TEC: variants seen among roughly 807,000 people sequenced by gnomAD.
The protein encoded by TEC is tec protein tyrosine kinase, also known as tyrosine-protein kinase Tec.
A neutral mutation model predicts 93.0 loss-of-function variants in TEC; 72 were observed. The observed-to-expected ratio is 0.77, with a 90% CI of 0.64 to 0.94. TEC has a LOEUF of 0.94. Among genes scored for constraint, TEC ranks in the 40% least tolerant of loss-of-function variants. The probability of loss-of-function intolerance (pLI) is 0.00; values close to 1 mark genes in which losing one functional copy is unlikely to be tolerated. For synonymous variants in TEC, 249 were observed against 247.7 expected (o/e 1.01, Z -0.05); for missense variants, 630 against 757.9 (o/e 0.83, Z 1.98).
At chr4:48,203,295 G>T (rs539903244) in intron 2 of TEC, among the ~76,000 whole-genome samples, 2 of 150,058 alleles carry the variant, frequency 1.3e-5, no homozygotes, top group Non-Finnish European at 3.0e-5. Context: ...AGCCTGGGAG[G>T]TGGAGGTTGC....
chr4:48,248,157 A>T (rs1724108687), intron 1 of TEC, among the ~76,000 whole-genome samples: 1 of 151,960 alleles, frequency 6.6e-6, no homozygotes, highest in Non-Finnish European at 1.5e-5. Context: ...AAGCACTGGA[A>T]GTTCTATCAG....
chr4:48,164,821 G>A (rs1720815092), intron 7 of TEC, among the ~76,000 whole-genome samples: 1 of 152,102 alleles, frequency 6.6e-6, no homozygotes, highest in Non-Finnish European at 1.5e-5. Flanking sequence ...GGCCAACATG[G>A]CGAAACCCTA....
At chr4:48,155,981 T>G (rs1720383425) in intron 9 of TEC, 1 of 152,254 alleles carries the variant, frequency 6.6e-6, no homozygotes, top group Admixed American at 6.5e-5. Flanking sequence ...TCTCTCTACC[T>G]GATTTCTTCA....
chr4:48,200,186 C>G (rs1411578676), intron 2 of TEC, among the ~76,000 whole-genome samples: 1 of 150,778 alleles, frequency 6.6e-6, no homozygotes, highest in East Asian at 2.0e-4. Flanking sequence ...GGAGGGGATA[C>G]ACGGGTTCTA....
intron 10 of TEC, among the ~76,000 whole-genome samples, chr4:48,149,985 C>CT (rs1174155445): frequency 2.0e-5 from 3 of 152,198 alleles, no homozygotes; most frequent in Non-Finnish European, 4.4e-5. Context: ...GCAGCTACTG[C>CT]TTTTTGTTCC....
At chr4:48,184,131 C>A (rs1721706509) in intron 2 of TEC, among the ~76,000 whole-genome samples, 1 of 152,178 alleles carries the variant, frequency 6.6e-6, no homozygotes, top group Non-Finnish European at 1.5e-5. Flanking sequence ...TGTGGATAAT[C>A]TCAGTGAATC....
At chr4:48,231,479 G>A (rs554028234) in intron 1 of TEC, among the ~76,000 whole-genome samples, 11 of 152,302 alleles carry the variant, frequency 7.2e-5, no homozygotes, top group East Asian at 1.9e-4. Flanking sequence ...AACAGAGGCC[G>A]GGCACGGTGG....
At chr4:48,143,860 T>C (rs1719785641) in intron 14 of TEC, among the ~76,000 whole-genome samples, 1 of 152,228 alleles carries the variant, frequency 6.6e-6, no homozygotes, top group African/African-American at 2.4e-5. Flanking sequence ...CCCAGAATTA[T>C]GATTAAACAA....
At chr4:48,155,472 TCTA>T (rs1208955406) in intron 9 of TEC, among the ~76,000 whole-genome samples, 8 of 152,206 alleles carry the variant, frequency 5.3e-5, no homozygotes, top group Non-Finnish European at 1.2e-4. Context: ...CTACAGAACT[TCTA>T]CTAGACGGGC....
intron 2 of TEC, among the ~76,000 whole-genome samples, chr4:48,179,362 A>T (rs1350351729): frequency 1.3e-4 from 5 of 39,442 alleles, no homozygotes; most frequent in Non-Finnish European, 2.5e-4. Flanking sequence ...ATATATATAT[A>T]TATATATATA....
chr4:48,173,354 T>C (rs1721191814), intron 3 of TEC, among the ~76,000 whole-genome samples: 1 of 152,230 alleles, frequency 6.6e-6, no homozygotes, highest in African/African-American at 2.4e-5. Flanking sequence ...AAAACTAGCT[T>C]GATATATTAC....
At chr4:48,237,335 G>T (rs1489078842) in intron 1 of TEC, among the ~76,000 whole-genome samples, 2 of 135,120 alleles carry the variant, frequency 1.5e-5, no homozygotes, top group African/African-American at 6.5e-5. Flanking sequence ...AAAAAAAAGA[G>T]AGAGAGAGAA....
At chr4:48,146,269 G>T in intron 12 of TEC, 56 bp downstream of exon 12, 1 of 1,522,100 alleles carries the variant, frequency 6.6e-7, no homozygotes, top group South Asian at 1.1e-5. Context: ...TTTATCTTAT[G>T]ACAATGGATT....
At chr4:48,224,207 T>C (rs1014764954) in intron 2 of TEC, among the ~76,000 whole-genome samples, 2 of 152,326 alleles carry the variant, frequency 1.3e-5, no homozygotes, top group African/African-American at 4.8e-5. Flanking sequence ...CCAGCTTCCA[T>C]GCTGGGGCAG....
At chr4:48,154,892 C>T (rs1250602341) in intron 9 of TEC, among the ~76,000 whole-genome samples, 1 of 152,110 alleles carries the variant, frequency 6.6e-6, no homozygotes, top group Non-Finnish European at 1.5e-5. Flanking sequence ...TTGCTATATC[C>T]CCAGTCTGCA....
chr4:48,141,638 C>A, intron 14 of TEC: 1 of 467,436 alleles, frequency 2.1e-6, no homozygotes, highest in Non-Finnish European at 3.8e-6. Context: ...TGCAATAAGG[C>A]ATTATTACAT....
intron 2 of TEC, among the ~76,000 whole-genome samples, chr4:48,186,782 CCCTG>C (rs1721884129): frequency 6.6e-6 from 1 of 150,612 alleles, no homozygotes; most frequent in African/African-American, 2.4e-5. Flanking sequence ...TCAGCCCCCG[CCCTG>C]CCAGCCGCCC....
intron 3 of TEC, among the ~76,000 whole-genome samples, chr4:48,173,467 T>C (rs1167652441): frequency 6.6e-6 from 1 of 152,174 alleles, no homozygotes; most frequent in Non-Finnish European, 1.5e-5. Context: ...AGTATCTCCC[T>C]GAGCAAACCT....
intron 2 of TEC, among the ~76,000 whole-genome samples, chr4:48,225,705 T>A (rs891935161): frequency 6.6e-6 from 1 of 150,782 alleles, no homozygotes; most frequent in African/African-American, 2.5e-5. Context: ...AGTTTCTTTT[T>A]TTTTCTTTTT....
Sources: gnomAD v4.1 joint callset for allele counts (sites outside exome capture counted in the v4.1 genomes callset) on GRCh38, gnomAD v4.1.1 for gene constraint, MANE v1.5 for transcripts, NCBI Gene and HGNC (gene_info 2026-07-23, HGNC 2026-07-21) for gene names.